The following CD34 variants were observed in gnomAD, a reference collection of about 807,000 sequenced individuals.
CD34 encodes the protein hematopoietic progenitor cell antigen CD34.
In CD34, 34 loss-of-function variants were observed where a neutral mutation model predicts 40.1. The ratio of observed to expected loss-of-function variants is 0.85; its 90% CI spans 0.65 to 1.13. The LOEUF (loss-of-function observed/expected upper bound fraction) is 1.13. Ranked by LOEUF, CD34 falls within the 50% of genes most tolerant of loss-of-function variation. CD34 has a pLI of 0.00. For missense variants in CD34, 426 were observed against 466.9 expected (o/e 0.91, Z 0.81); for synonymous variants, 209 against 190.0 (o/e 1.10, Z -0.82).
intron 1 of CD34, among the ~76,000 whole-genome samples, chr1:207,904,285 A>G (rs1662334452): frequency 6.6e-6 from 1 of 152,164 alleles, no homozygotes; most frequent in African/African-American, 2.4e-5. Flanking sequence ...CACCTGGATC[A>G]AGAGGAGTAT....
In CD34 at chr1:207,891,578, G is replaced by T. The variant is rs903729085; in HGVS notation, c.598-1957C>A. ...TGCACTTATAGTACCAGCTACTTGG[G>T]GGGCTGAGGTGGGAGGGTCTCTCCA... On this transcript the variant is annotated intron_variant, in intron 4 of 7. Coordinates refer to ENST00000310833, the MANE Select transcript of CD34 (RefSeq NM_001025109.2). 2.0e-5 allele frequency among the ~76,000 whole-genome samples: 3 copies of T among 151,974 alleles called. 1 individual carries two copies. The highest frequency in any genetic ancestry group is 1.5e-5 in the Non-Finnish European group (1 of 67,958).
chr1:207,889,839 T>A, intron 4 of CD34: 21 of 1,575,000 alleles, frequency 1.3e-5, no homozygotes, highest in Non-Finnish European at 1.8e-5. Flanking sequence ...AAAATCCATA[T>A]CTTCTAGTAT....
At chr1:207,902,485 T>A (rs915893363) in intron 1 of CD34, among the ~76,000 whole-genome samples, 2 of 152,218 alleles carry the variant, frequency 1.3e-5, no homozygotes, top group Admixed American at 1.3e-4. Flanking sequence ...CCACTCTGAC[T>A]TTAAGGTCAG....
rs754376383 is a variant in CD34 at position 207,889,572 on chromosome 1, C to T, written c.647G>A (p.Gly216Glu). Residue 216 changes from glycine to glutamate, a missense_variant, in exon 5 of 8, where the codon GGG (glycine) becomes GAG (glutamate). Physicochemically the swap from Gly to Glu is moderately conservative, Grantham distance 98. Transcript: ENST00000310833. ...AGCATCAGCATCAGCCTGCTCCTCC[C>T]CACACAGCACTCGGGCCAGGCCCTC... ...RGEGLARVLC[G>E]EEQADADAGA... 4.3e-6 allele frequency: 7 copies of T among 1,614,184 alleles called. No individual in the cohort carries two copies. The South Asian group carries it at 6.6e-5, about 15-fold the overall frequency.
chr1:207,896,099 G>A (rs1571772409), intron 4 of CD34, among the ~76,000 whole-genome samples: 1 of 152,176 alleles, frequency 6.6e-6, no homozygotes, highest in Non-Finnish European at 1.5e-5. Context: ...TACCGAGTTA[G>A]AATGGAAAAA....
intron 1 of CD34, among the ~76,000 whole-genome samples, chr1:207,901,561 T>C (rs1348528117): frequency 2.0e-5 from 3 of 152,196 alleles, no homozygotes; most frequent in Admixed American, 2.0e-4. Flanking sequence ...TGAAGGGAAG[T>C]GGGCTGGGGC....
At chr1:207,894,140 GA>G (rs1662093984) in intron 4 of CD34, among the ~76,000 whole-genome samples, 1 of 152,120 alleles carries the variant, frequency 6.6e-6, no homozygotes, top group Non-Finnish European at 1.5e-5. Context: ...GCCTAAAGGG[GA>G]AAAAGCCCAA....
chr1:207,905,429 C>T (rs548777979), intron 1 of CD34, among the ~76,000 whole-genome samples: 5 of 152,316 alleles, frequency 3.3e-5, no homozygotes, highest in South Asian at 2.1e-4. Flanking sequence ...AGCCACCGTG[C>T]GTGGCCGGCT....
chr1:207,897,651 T>G, intron 3 of CD34, 78 bp from the exon 4 acceptor site: 1 of 1,214,570 alleles, frequency 8.2e-7, no homozygotes, highest in Non-Finnish European at 1.2e-6. Flanking sequence ...TCCCAACTTT[T>G]TCCAGTTTGC....
chr1:207,895,368 A>T (rs138598710), intron 4 of CD34, among the ~76,000 whole-genome samples: 1 of 152,242 alleles, frequency 6.6e-6, no homozygotes, highest in African/African-American at 2.4e-5. Context: ...AAAGGGGATC[A>T]ACACTGGTGG....
intron 1 of CD34, among the ~76,000 whole-genome samples, chr1:207,909,389 TTTTTTTG>T (rs1485094938): frequency 1.6e-4 from 24 of 151,988 alleles, no homozygotes; most frequent in Non-Finnish European, 2.5e-4. Context: ...CTCACCCCTG[TTTTTTTG>T]TTTTTTGTTT....
intron 5 of CD34, 91 bp downstream of exon 5, chr1:207,889,374 T>G (rs1444438195): frequency 6.5e-7 from 1 of 1,529,244 alleles, no homozygotes; most frequent in African/African-American, 1.4e-5. Context: ...ACCTGTGGTC[T>G]CTCTGGATCT....
chr1:207,901,936 A>C (rs777308634), intron 1 of CD34, among the ~76,000 whole-genome samples: 20 of 152,174 alleles, frequency 1.3e-4, no homozygotes, highest in Non-Finnish European at 2.5e-4. Flanking sequence ...AGCGATTTCC[A>C]GGTAAACAGC....
Position 207,899,075 on chromosome 1 carries a change from C to T in CD34, c.414G>A (p.Leu138=), listed in dbSNP as rs149445501. The stretch of plus-strand genomic sequence containing the variant: ...AAAGGTCTGAAACATTTCCAGGTGA[C>T]AGGCTAGGCTTCAAGGTTGTCTCTG... ...STPETTLKPS[L]SPGNVSDLST... is the part of the protein sequence containing the mutation. The change falls in exon 3 of 8, where the codon CTG becomes CTA. Residue 138 remains leucine, a synonymous_variant. Transcript: ENST00000310833. 2.5e-4 allele frequency: 409 copies of T among 1,614,200 alleles called. 1 individual carries two copies. In the African/African-American group the frequency reaches 5.0e-3, roughly 20 times the overall value.
intron 1 of CD34, among the ~76,000 whole-genome samples, chr1:207,907,820 GA>G (rs756673818): frequency 4.6e-5 from 7 of 152,160 alleles, no homozygotes; most frequent in Admixed American, 6.5e-5. Context: ...TCTCATTAGA[GA>G]AGTCCAAGCC....
In CD34 at chr1:207,884,760, C is replaced by T. The variant is rs1349486091; in HGVS notation, c.*2978G>A. 1 of 152,198 alleles carries T rather than the reference C, an allele frequency of 6.6e-6. No homozygotes were observed. The highest frequency in any genetic ancestry group is 2.4e-5 in the African/African-American group (1 of 41,444). 9.4% of individuals were successfully genotyped at this position (152,198 alleles called of 1,614,324 possible). A position where few individuals can be genotyped will look rare whatever the true frequency, so the allele number is the denominator to read the frequency against. Reference sequence around the variant, plus strand: ...ACCCTACAGCTAATTTTCCTGGGCTCACTGTGGGCGCCGAAGAAGCCGAAC... The same window carrying T: ...ACCCTACAGCTAATTTTCCTGGGCTTACTGTGGGCGCCGAAGAAGCCGAAC... On this transcript the variant is annotated 3_prime_UTR_variant, in exon 8 of 8. Transcript: ENST00000310833.
chr1:207,888,611 A>C, intron 7 of CD34, 71 bp downstream of exon 7: 1 of 1,461,600 alleles, frequency 6.8e-7, no homozygotes, highest in Non-Finnish European at 9.5e-7. Flanking sequence ...CTCCTGCTCC[A>C]TGACATCCAC....
In CD34 at chr1:207,899,809, T is replaced by C. The variant is rs1381322396; in HGVS notation, c.262+12A>G. 5.0e-6 allele frequency: 8 copies of C among 1,603,344 alleles called. No homozygotes were observed. The highest frequency in any genetic ancestry group is 2.2e-5 in the East Asian group (1 of 44,702). On this transcript the variant is annotated intron_variant, in intron 2 of 7. Transcript: ENST00000310833. ...GCATCTCTCCGGGATCTGACACAAATGCTGTTTTTACCTGTGATGTTTGTT... is the reference window on the plus strand; with the variant it reads ...GCATCTCTCCGGGATCTGACACAAACGCTGTTTTTACCTGTGATGTTTGTT...
Position 207,887,293 on chromosome 1 carries a change from T to C in CD34, c.*445A>G. 6.0e-6 allele frequency: 1 copy of C among 165,564 alleles called. No homozygotes were observed. The highest frequency in any genetic ancestry group is 1.7e-4 in the South Asian group (1 of 5,864). 10.3% of individuals were successfully genotyped at this position (165,564 alleles called of 1,614,324 possible). On this transcript the variant is annotated 3_prime_UTR_variant, in exon 8 of 8. Coordinates refer to ENST00000310833, the MANE Select transcript of CD34 (RefSeq NM_001025109.2). ...AGCAGGTGCAAAAGGTTACTTTGGTTTCCTCAAAGTAGAGAAAGAAAATAC... is the reference window on the plus strand; with the variant it reads ...AGCAGGTGCAAAAGGTTACTTTGGTCTCCTCAAAGTAGAGAAAGAAAATAC...
Sources: gnomAD v4.1 joint callset for allele counts (sites outside exome capture counted in the v4.1 genomes callset) on GRCh38, gnomAD v4.1.1 for gene constraint, MANE v1.5 for transcripts, NCBI Gene and HGNC (gene_info 2026-07-23, HGNC 2026-07-21) for gene names.